The following KLHL3 variants were observed in gnomAD, a reference collection of about 807,000 sequenced individuals.
The protein encoded by KLHL3 is kelch like family member 3.
KLHL3 carries 19 observed loss-of-function variants against 70.5 expected under a neutral mutation model. That is an observed-to-expected ratio of 0.27 (90% CI 0.19 to 0.40). The LOEUF is 0.40. KLHL3 is among the 10% of genes least tolerant of loss of function. The pLI is 1.00. For synonymous variants in KLHL3, 258 were observed against 290.3 expected, an observed-to-expected ratio of 0.89 and a Z score of 1.13; for missense variants, 512 against 771.1, an observed-to-expected ratio of 0.66 and a Z score of 3.98.
At position 137,625,847 on chromosome 5, in the gene KLHL3, T is replaced by C. The variant is rs200289320; in HGVS notation, c.1641A>G (p.Gly547=). Residue 547 remains glycine, a synonymous_variant, in exon 14 of 15, where the codon GGA becomes GGG. Transcript: ENST00000309755. ...GLLYVVGGDD[G]SCNLASVEYY... is the part of the protein sequence containing the mutation. ...ACTCCACCGAAGCCAAGTTGCAGGA[T>C]CCATCATCCCCTCCAACCACATACA... The C allele has an allele frequency of 1.2e-6, 2 of 1,614,128 alleles. No individual in the cohort carries two copies. Among genetic ancestry groups the C allele is most frequent in the East Asian group, 4.5e-5 (2 of 44,874 alleles).
intron 6 of KLHL3, among the ~76,000 whole-genome samples, chr5:137,673,393 C>T (rs2149904782): frequency 6.6e-6 from 1 of 152,250 alleles, no homozygotes; most frequent in South Asian, 2.1e-4. Context: ...ATGATGCCAT[C>T]CCTATTGAAG....
intron 12 of KLHL3, 38 bp from the exon 13 acceptor site, chr5:137,628,475 C>T: frequency 6.2e-7 from 1 of 1,611,276 alleles, no homozygotes; most frequent in Non-Finnish European, 8.5e-7. Context: ...CTCATGCTGA[C>T]TACAGTAACC....
At chr5:137,661,879 A>C (rs371888473) in intron 7 of KLHL3, 36 bp downstream of exon 7, 6 of 1,175,948 alleles carry the variant, frequency 5.1e-6, no homozygotes, top group South Asian at 4.9e-5. Context: ...GGTCTGGGTG[A>C]ACACAGAAGT....
At chr5:137,657,435 C>T (rs1431300490) in intron 8 of KLHL3, among the ~76,000 whole-genome samples, 2 of 152,100 alleles carry the variant, frequency 1.3e-5, no homozygotes, top group African/African-American at 2.4e-5. Context: ...TGGAGCATCC[C>T]TCATTCTATA....
At chr5:137,642,939 G>A (rs1165668707) in intron 8 of KLHL3, among the ~76,000 whole-genome samples, 1 of 151,688 alleles carries the variant, frequency 6.6e-6, no homozygotes, top group Non-Finnish European at 1.5e-5. Context: ...CAGGGAAGTA[G>A]AGGGTACATG....
chr5:137,731,675 G>A (rs953844464), intron 1 of KLHL3, among the ~76,000 whole-genome samples: 2 of 152,124 alleles, frequency 1.3e-5, no homozygotes, highest in Non-Finnish European at 1.5e-5. Flanking sequence ...CATAGTGCCC[G>A]GTACATGGTG....
intron 5 of KLHL3, among the ~76,000 whole-genome samples, chr5:137,682,432 AG>A (rs1561604302): frequency 5.1e-5 from 7 of 138,418 alleles, no homozygotes; most frequent in African/African-American, 8.1e-5. Flanking sequence ...AGAGAGAGAG[AG>A]AGGCATAGAC....
At position 137,639,794 on chromosome 5, in the gene KLHL3, C is replaced by T. The variant is rs147199980; in HGVS notation, c.1021+66G>A. The stretch of plus-strand genomic sequence containing the variant: ...GCTTGAGGAAACAAGGAGTAGCTCA[C>T]GACTTCTGGCACGGAGTGGGGACCA... On this transcript the variant is annotated intron_variant, in intron 9 of 14. Coordinates refer to ENST00000309755, the MANE Select transcript of KLHL3 (RefSeq NM_017415.3). The surrounding 1 kb of genome is among the most constrained non-coding windows in gnomAD (Gnocchi z 5.0). 5,515 of 1,212,396 alleles carry T rather than the reference C, an allele frequency of 4.5e-3. 35 individuals carry two copies. The highest frequency in any genetic ancestry group is 6.0e-3 in the Non-Finnish European group (4,911 of 816,964). The allele number at this position is 1,212,396 out of a possible 1,614,324, so 75.1% of individuals were successfully genotyped here.
At chr5:137,660,750 TC>T (rs2149897316) in intron 7 of KLHL3, 1 of 152,312 alleles carries the variant, frequency 6.6e-6, no homozygotes, top group African/African-American at 2.4e-5. Flanking sequence ...CAGAGTAAGA[TC>T]AGTAACATTC....
At chr5:137,708,221 G>A (rs928787138) in intron 3 of KLHL3, among the ~76,000 whole-genome samples, 1 of 152,154 alleles carries the variant, frequency 6.6e-6, no homozygotes, top group African/African-American at 2.4e-5. Flanking sequence ...TCCAAGTTGA[G>A]ACCAGTTCCT....
Position 137,621,808 on chromosome 5 carries a change from G to A in KLHL3, c.*290C>T. 2.0e-6 allele frequency: 1 copy of A among 499,468 alleles called. No individual in the cohort carries two copies. 30.9% of individuals were successfully genotyped at this position (499,468 alleles called of 1,614,324 possible). On this transcript the variant is annotated 3_prime_UTR_variant, in exon 15 of 15. Transcript: ENST00000309755. ...CACACACACACACACACACACTCCA[G>A]GGTCTGTATTGTCCCTGTAGAAACA...
chr5:137,624,243 C>T (rs551005626), intron 14 of KLHL3, among the ~76,000 whole-genome samples: 3 of 152,138 alleles, frequency 2.0e-5, no homozygotes, highest in African/African-American at 2.4e-5. Flanking sequence ...CATAAAATTG[C>T]AGGTTTGCTT....
intron 8 of KLHL3, among the ~76,000 whole-genome samples, chr5:137,643,869 AC>A (rs1471864618): frequency 2.0e-5 from 3 of 151,612 alleles, no homozygotes; most frequent in Admixed American, 6.6e-5. Flanking sequence ...TCCATTGATC[AC>A]CCCCATCTCC....
intron 5 of KLHL3, among the ~76,000 whole-genome samples, chr5:137,679,016 CA>C (rs1051365200): frequency 1.4e-5 from 2 of 142,304 alleles, no homozygotes; most frequent in African/African-American, 5.0e-5. Flanking sequence ...TATATCAAAA[CA>C]AAAAAAGCCT....
At chr5:137,720,624 C>T in intron 1 of KLHL3, 40 bp from the exon 2 acceptor site, 1 of 1,611,032 alleles carries the variant, frequency 6.2e-7, no homozygotes, top group Non-Finnish European at 8.5e-7. Context: ...GAGAATCACT[C>T]ATTGGTAAAC....
chr5:137,628,996 T>C (rs1750562969), intron 12 of KLHL3: 1 of 152,144 alleles, frequency 6.6e-6, no homozygotes, highest in Non-Finnish European at 1.5e-5. Context: ...GCAAAAGTGC[T>C]GAAATTATCA....
intron 12 of KLHL3, chr5:137,629,877 C>G (rs1580717083): frequency 6.6e-6 from 1 of 152,296 alleles, no homozygotes; most frequent in East Asian, 1.9e-4. Context: ...CTTTTTTCCC[C>G]TAACCATCTG....
chr5:137,720,724 C>T, intron 1 of KLHL3, 140 bp from the exon 2 acceptor site: 4 of 1,481,450 alleles, frequency 2.7e-6, no homozygotes, highest in Non-Finnish European at 3.6e-6. Context: ...ATAGGAAAGA[C>T]AATGTACTGG....
chr5:137,665,290 G>T (rs1751587202), intron 6 of KLHL3, among the ~76,000 whole-genome samples: 1 of 152,036 alleles, frequency 6.6e-6, no homozygotes, highest in African/African-American at 2.4e-5. Flanking sequence ...ATGACTTTTG[G>T]GGGACTAGTA....
Sources: allele counts gnomAD v4.1 joint callset (sites outside exome capture counted in the v4.1 genomes callset), GRCh38; gene constraint gnomAD v4.1.1; non-coding constraint Gnocchi (gnomAD v3.1); transcripts MANE v1.5; gene names NCBI Gene and HGNC (gene_info 2026-07-23, HGNC 2026-07-21).